Variants in TNFRSF21 observed in about 807,000 individuals in gnomAD.
The protein encoded by TNFRSF21 is tumor necrosis factor receptor superfamily member 21.
In TNFRSF21, 19 loss-of-function variants were observed where a neutral mutation model predicts 45.6. The observed-to-expected ratio is 0.42, with a 90% CI of 0.29 to 0.61. The LOEUF (loss-of-function observed/expected upper bound fraction) is 0.61, where lower values mean the gene tolerates loss of function less well. TNFRSF21 is among the 20% of genes least tolerant of loss of function. The pLI, the probability that TNFRSF21 is intolerant of heterozygous loss-of-function variation, is 0.23. For missense variants in TNFRSF21, 737 were observed against 851.5 expected, an observed-to-expected ratio of 0.87 and a Z score of 1.67; for synonymous variants, 314 against 335.5, an observed-to-expected ratio of 0.94 and a Z score of 0.70.
At chr6:47,308,596 G>A (rs1241379064) in intron 1 of TNFRSF21, among the ~76,000 whole-genome samples, 1 of 152,254 alleles carries the variant, frequency 6.6e-6, no homozygotes, top group African/African-American at 2.4e-5. Context: ...CTTAGACGAT[G>A]AGGGAGACTG....
intron 3 of TNFRSF21, among the ~76,000 whole-genome samples, chr6:47,260,458 C>A (rs1765058649): frequency 1.3e-5 from 2 of 152,172 alleles, no homozygotes; most frequent in Non-Finnish European, 2.9e-5. Context: ...TCCAGTGCAT[C>A]ATAAAACCTT....
At chr6:47,249,720 G>A (rs569666015) in intron 4 of TNFRSF21, among the ~76,000 whole-genome samples, 2 of 152,258 alleles carry the variant, frequency 1.3e-5, no homozygotes, top group African/African-American at 4.8e-5. Context: ...TATAAGAGGA[G>A]GATAAATAGG....
chr6:47,282,643 C>A (rs80073229), intron 3 of TNFRSF21, among the ~76,000 whole-genome samples: 3 of 152,230 alleles, frequency 2.0e-5, no homozygotes, highest in Admixed American at 1.3e-4. Flanking sequence ...ATAAATCCCA[C>A]CACACTGGGG....
At chr6:47,306,030 T>C (rs1354664668) in intron 1 of TNFRSF21, among the ~76,000 whole-genome samples, 2 of 152,112 alleles carry the variant, frequency 1.3e-5, no homozygotes, top group Non-Finnish European at 2.9e-5. Context: ...AATAGTACAA[T>C]TGGTAAAGTC....
chr6:47,298,480 G>C (rs961806721), intron 1 of TNFRSF21, among the ~76,000 whole-genome samples: 2 of 151,924 alleles, frequency 1.3e-5, no homozygotes, highest in Non-Finnish European at 1.5e-5. Flanking sequence ...AATTTAAAAA[G>C]AGTGAGTAAG....
intron 3 of TNFRSF21, among the ~76,000 whole-genome samples, chr6:47,257,210 C>A (rs1304299641): frequency 6.7e-6 from 1 of 150,020 alleles, no homozygotes; most frequent in African/African-American, 2.5e-5. Flanking sequence ...TTTTTTAAGC[C>A]ACAAAATAAA....
At chr6:47,241,257 A>G (rs985098669) in intron 4 of TNFRSF21, among the ~76,000 whole-genome samples, 2 of 152,224 alleles carry the variant, frequency 1.3e-5, no homozygotes, top group African/African-American at 4.8e-5. Flanking sequence ...CAGCCTCATC[A>G]CAAAACAATT....
In TNFRSF21 at chr6:47,297,412, G is replaced by A. The variant is rs375248109; in HGVS notation, c.97-10817C>T. ...AAATGTTATCTTAATTATCACTCCC[G>A]CCAACTTAACAATGTACTATATTTT... On this transcript the variant is annotated intron_variant, in intron 1 of 5. Transcript: ENST00000296861. 4.6e-5 allele frequency among the ~76,000 whole-genome samples: 7 copies of A among 151,596 alleles called. No individual in the cohort carries two copies. In the South Asian group the frequency reaches 8.3e-4, roughly 18 times the overall value.
At chr6:47,291,961 G>A (rs977900469) in intron 1 of TNFRSF21, among the ~76,000 whole-genome samples, 1 of 152,140 alleles carries the variant, frequency 6.6e-6, no homozygotes, top group Non-Finnish European at 1.5e-5. Flanking sequence ...TTTTCCTAGG[G>A]CCTTTTAGTC....
intron 3 of TNFRSF21, among the ~76,000 whole-genome samples, chr6:47,255,827 A>G (rs1305210623): frequency 2.0e-5 from 3 of 152,138 alleles, no homozygotes; most frequent in African/African-American, 7.2e-5. Flanking sequence ...ATAGTTAACA[A>G]TATCTTAAAA....
At chr6:47,255,940 CTCAA>C (rs1378534660) in intron 3 of TNFRSF21, among the ~76,000 whole-genome samples, 2 of 152,040 alleles carry the variant, frequency 1.3e-5, no homozygotes, top group African/African-American at 4.8e-5. Flanking sequence ...GTTCTGATTT[CTCAA>C]TCAAAGGTTT....
intron 1 of TNFRSF21, among the ~76,000 whole-genome samples, chr6:47,288,427 A>G (rs1762677375): frequency 6.6e-6 from 1 of 152,194 alleles, no homozygotes; most frequent in African/African-American, 2.4e-5. Flanking sequence ...GGGTGTTGGC[A>G]ACGCTCCGTA....
intron 4 of TNFRSF21, among the ~76,000 whole-genome samples, chr6:47,244,041 G>T (rs923780923): frequency 6.6e-6 from 1 of 152,186 alleles, no homozygotes; most frequent in African/African-American, 2.4e-5. Flanking sequence ...AAGTCTTCAG[G>T]CTGGGCGCGG....
At chr6:47,287,605 A>C (rs908232745) in intron 1 of TNFRSF21, among the ~76,000 whole-genome samples, 2 of 152,210 alleles carry the variant, frequency 1.3e-5, no homozygotes, top group African/African-American at 4.8e-5. Context: ...AAATCAGTTG[A>C]AATTTACATT....
chr6:47,246,357 G>C (rs1764825361), intron 4 of TNFRSF21, among the ~76,000 whole-genome samples: 1 of 152,224 alleles, frequency 6.6e-6, no homozygotes, highest in Non-Finnish European at 1.5e-5. Flanking sequence ...CCTGCTCTAT[G>C]TCAAGTGCAG....
At chr6:47,247,795 T>C (rs982665975) in intron 4 of TNFRSF21, among the ~76,000 whole-genome samples, 6 of 152,222 alleles carry the variant, frequency 3.9e-5, no homozygotes, top group Non-Finnish European at 5.9e-5. Flanking sequence ...GCACAAATGC[T>C]CTGTTCCTGA....
At position 47,282,659 on chromosome 6, in the gene TNFRSF21, A is replaced by T. The variant is rs975852454; in HGVS notation, c.1243+1279T>A. On this transcript the variant is annotated intron_variant, in intron 3 of 5. Coordinates refer to ENST00000296861, the MANE Select transcript of TNFRSF21 (RefSeq NM_014452.5). ...TAAATCCCACCACACTGGGGAAAAA[A>T]AATTGTCACTTTGGCATATTTCCAT... Among the ~76,000 whole-genome samples the T allele has an allele frequency of 5.3e-5, 8 of 152,236 alleles. 1 individual carries two copies. Among genetic ancestry groups the T allele is most frequent in the Middle Eastern group, 3.2e-3 (1 of 316 alleles).
chr6:47,236,010 A>G (rs1034391129), intron 4 of TNFRSF21, among the ~76,000 whole-genome samples: 25 of 152,320 alleles, frequency 1.6e-4, no homozygotes, highest in Admixed American at 2.0e-4. Context: ...GTGGCTACAT[A>G]CAGTATGACT....
At chr6:47,294,017 T>C (rs1762763667) in intron 1 of TNFRSF21, among the ~76,000 whole-genome samples, 1 of 152,204 alleles carries the variant, frequency 6.6e-6, no homozygotes, top group Non-Finnish European at 1.5e-5. Context: ...ACCCAACTCA[T>C]GGTAATGTCT....
Sources: gnomAD v4.1 joint callset for allele counts (sites outside exome capture counted in the v4.1 genomes callset) on GRCh38, gnomAD v4.1.1 for gene constraint, MANE v1.5 for transcripts, NCBI Gene and HGNC (gene_info 2026-07-23, HGNC 2026-07-21) for gene names.